The following ABCD2 variants were observed in gnomAD, a reference collection of about 807,000 sequenced individuals.
ABCD2 encodes ATP-binding cassette sub-family D member 2.
A neutral mutation model predicts 70.9 loss-of-function variants in ABCD2; 36 were observed. The ratio of observed to expected loss-of-function variants is 0.51; its 90% CI spans 0.39 to 0.67. The LOEUF (loss-of-function observed/expected upper bound fraction) is 0.67. Among genes scored for constraint, ABCD2 ranks in the 30% least tolerant of loss-of-function variants. The pLI is 0.00. For missense variants in ABCD2, 729 were observed against 890.2 expected (o/e 0.82, Z 2.30); for synonymous variants, 304 against 306.9 (o/e 0.99, Z 0.10).
Position 39,619,103 on chromosome 12 carries a change from C to A in ABCD2, c.513G>T (p.Leu171Phe). The change falls in exon 1 of 10, where the codon TTG becomes TTT. Residue 171 changes from leucine (L) to phenylalanine (F), a missense_variant. By Grantham distance (22) the Leu-to-Phe change is conservative. This residue lies in a region of ABCD2 where 245 missense variants were observed against 261.2 expected (regional missense o/e 0.94). Coordinates refer to ENST00000308666, the MANE Select transcript of ABCD2 (RefSeq NM_005164.4). ...NSAIRYLECK[L>F]ALAFRTRLVD... Reference sequence around the variant, plus strand: ...CTAGGCGAGTTCTGAAGGCCAAAGCCAATTTGCATTCCAGGTACCTTATTG... The same window carrying A: ...CTAGGCGAGTTCTGAAGGCCAAAGCAAATTTGCATTCCAGGTACCTTATTG... The A allele has an allele frequency of 1.2e-6, 2 of 1,614,148 alleles. No homozygotes were observed. The highest frequency in any genetic ancestry group is 1.7e-6 in the Non-Finnish European group (2 of 1,180,014).
chr12:39,572,991 A>C (rs1322038455), intron 9 of ABCD2, among the ~76,000 whole-genome samples: 1 of 152,140 alleles, frequency 6.6e-6, no homozygotes. Context: ...GCTGTAGTAC[A>C]GAGTATGTGA....
At chr12:39,570,491 C>T (rs1941432033) in intron 9 of ABCD2, among the ~76,000 whole-genome samples, 1 of 152,172 alleles carries the variant, frequency 6.6e-6, no homozygotes. Flanking sequence ...TGGGAAAGGG[C>T]AGTATCCTCA....
chr12:39,572,036 A>G (rs1941455690), intron 9 of ABCD2, among the ~76,000 whole-genome samples: 1 of 152,172 alleles, frequency 6.6e-6, no homozygotes, highest in South Asian at 2.1e-4. Flanking sequence ...TGTTTTGTGG[A>G]GAAATGTACT....
chr12:39,609,692 T>C (rs1368884860), intron 2 of ABCD2, among the ~76,000 whole-genome samples: 1 of 152,186 alleles, frequency 6.6e-6, no homozygotes, highest in Non-Finnish European at 1.5e-5. Flanking sequence ...GATATTTAGT[T>C]CACTCTAATT....
At chr12:39,547,911 C>T (rs1285358954), downstream of ABCD2, among the ~76,000 whole-genome samples, 1 of 150,416 alleles carries the variant, frequency 6.6e-6, no homozygotes, top group Non-Finnish European at 1.5e-5. Context: ...TGTGTATGTG[C>T]ATGTGCATGT....
intron 8 of ABCD2, among the ~76,000 whole-genome samples, 176 bp downstream of exon 8, chr12:39,579,358 TC>T (rs1216108295): frequency 6.6e-6 from 1 of 152,196 alleles, no homozygotes; most frequent in African/African-American, 2.4e-5. Context: ...CGAGACTCTG[TC>T]TCAAAAACAA....
At chr12:39,548,792 G>A (rs1941051287), downstream of ABCD2, among the ~76,000 whole-genome samples, 1 of 151,742 alleles carries the variant, frequency 6.6e-6, no homozygotes, top group Non-Finnish European at 1.5e-5. Flanking sequence ...ATGTTTATCA[G>A]TATTTCATTG....
chr12:39,574,066 A>G (rs143188759), intron 8 of ABCD2, among the ~76,000 whole-genome samples: 105 of 152,264 alleles, frequency 6.9e-4, no homozygotes, highest in Admixed American at 2.3e-3. Context: ...TTCTAATAAT[A>G]CAATAAGCTT....
chr12:39,617,323 T>G (rs1942129922), intron 1 of ABCD2, among the ~76,000 whole-genome samples, 155 bp from the exon 2 acceptor site: 1 of 152,114 alleles, frequency 6.6e-6, no homozygotes, highest in African/African-American at 2.4e-5. Flanking sequence ...ATGTGTATTA[T>G]TTTTAAAAGT....
chr12:39,617,134 G>A lies in ABCD2; in HGVS notation c.974C>T (p.Ala325Val). 3 of 1,601,308 alleles carry A rather than the reference G, an allele frequency of 1.9e-6. No individual in the cohort carries two copies. The highest frequency in any genetic ancestry group is 2.6e-6 in the Non-Finnish European group (3 of 1,175,134). Residue 325 changes from alanine (A) to valine (V), a missense_variant, in exon 2 of 10, where the codon GCT (alanine) becomes GTT (valine). Around this residue, in one of 3 missense-constraint regions of ABCD2, gnomAD observed 195 missense variants for 300.2 expected, o/e 0.65. Transcript: ENST00000308666. ...AATGAGGTTCATCTGATCTGCTAAA[G>A]CTTTGTAACTTTTCTGAAGTTGTTT... is the stretch of plus-strand genomic sequence containing the variant. ...EMKQLQKSYK[A>V]LADQMNLILS...
chr12:39,604,744 A>G lies in ABCD2; in HGVS notation c.1405+18T>C. ...ATACTTAAATATAGGAAAATATAAA[A>G]GCACTTGAGTTTAATACCTTTAATT... On this transcript the variant is annotated intron_variant, in intron 4 of 9. Transcript: ENST00000308666. 3 of 1,532,004 alleles carry G rather than the reference A, an allele frequency of 2.0e-6. No individual in the cohort carries two copies. The highest frequency in any genetic ancestry group is 1.4e-5 in the African/African-American group (1 of 71,822). The allele number at this position is 1,532,004 out of a possible 1,614,324, so 94.9% of individuals were successfully genotyped here. A position where few individuals can be genotyped will look rare whatever the true frequency, so the allele number is the denominator to read the frequency against.
intron 9 of ABCD2, among the ~76,000 whole-genome samples, chr12:39,556,845 G>A (rs772660258): frequency 4.6e-5 from 7 of 151,996 alleles, no homozygotes; most frequent in African/African-American, 1.2e-4. Flanking sequence ...TTAGCTGGGC[G>A]TGAAGGCGGG....
rs1942169721 is a variant in ABCD2, at chr12:39,619,735, T to C, written c.-120A>G. 2 of 867,342 alleles carry C rather than the reference T, an allele frequency of 2.3e-6. No individual in the cohort carries two copies. Among genetic ancestry groups the C allele is most frequent in the African/African-American group, 3.4e-5 (2 of 58,736 alleles). The allele number at this position is 867,342 out of a possible 1,614,324, so 53.7% of individuals were successfully genotyped here. On this transcript the variant is annotated 5_prime_UTR_variant, in exon 1 of 10. Transcript: ENST00000308666. ...CGTCCCATAGTCTGCAGCGTTTCTCTTCCACTGTTGTGTTTTTAATTTTGT... is the reference window on the plus strand; with the variant it reads ...CGTCCCATAGTCTGCAGCGTTTCTCCTCCACTGTTGTGTTTTTAATTTTGT...
chr12:39,532,510 T>C, the ABCD2 span, among the ~76,000 whole-genome samples: 3 of 152,212 alleles, frequency 2.0e-5, no homozygotes, highest in Non-Finnish European at 2.9e-5. Flanking sequence ...CATGCATTAC[T>C]GTAGGAAATG....
At chr12:39,531,344 G>A in the ABCD2 span, among the ~76,000 whole-genome samples, 4 of 152,138 alleles carry the variant, frequency 2.6e-5, no homozygotes, top group Non-Finnish European at 2.9e-5. Flanking sequence ...AGGGTCTTTC[G>A]GAGGTGATTA....
intron 6 of ABCD2, 126 bp downstream of exon 6, chr12:39,600,445 T>C (rs1382140533): frequency 7.1e-6 from 7 of 986,612 alleles, no homozygotes; most frequent in Middle Eastern, 3.4e-4. Context: ...AGTGAATTTT[T>C]ATTTCCTTAA....
At chr12:39,579,317 G>T (rs554801254) in intron 8 of ABCD2, among the ~76,000 whole-genome samples, 6 of 152,316 alleles carry the variant, frequency 3.9e-5, no homozygotes, top group South Asian at 4.1e-4. Context: ...AGCCAAGATC[G>T]TGCCACTGCA....
chr12:39,619,690 T>G lies in ABCD2; in HGVS notation c.-75A>C. 6 of 1,368,718 alleles carry G rather than the reference T, an allele frequency of 4.4e-6. No individual in the cohort carries two copies. The highest frequency in any genetic ancestry group is 5.9e-6 in the Non-Finnish European group (6 of 1,009,578). 84.8% of individuals were successfully genotyped at this position (1,368,718 alleles called of 1,614,324 possible). A position where few individuals can be genotyped will look rare whatever the true frequency, so the allele number is the denominator to read the frequency against. ...ATGCTTCACAGAAATCCCCAGCAAA[T>G]GTTTTAGAAAGTCCTACAGCGTCCC... is the stretch of plus-strand genomic sequence containing the variant. On this transcript the variant is annotated 5_prime_UTR_variant, in exon 1 of 10. Coordinates refer to ENST00000308666, the MANE Select transcript of ABCD2 (RefSeq NM_005164.4).
chr12:39,533,586 T>C, the ABCD2 span, among the ~76,000 whole-genome samples: 7 of 152,224 alleles, frequency 4.6e-5, no homozygotes, highest in Non-Finnish European at 8.8e-5. Flanking sequence ...CAGATGTTCA[T>C]GTAGAGGTTT....
Sources: allele counts gnomAD v4.1 joint callset (sites outside exome capture counted in the v4.1 genomes callset), GRCh38; gene constraint gnomAD v4.1.1; regional missense constraint gnomAD v4.1.1; transcripts MANE v1.5; gene names NCBI Gene and HGNC (gene_info 2026-07-23, HGNC 2026-07-21).